TRAPPC12: variants seen among roughly 807,000 people sequenced by gnomAD.
The protein encoded by TRAPPC12 is trafficking protein particle complex subunit 12.
In TRAPPC12, 61 loss-of-function variants were observed where a neutral mutation model predicts 69.2. That is an observed-to-expected ratio of 0.88 (90% CI 0.72 to 1.09). The LOEUF is 1.09. TRAPPC12 is among the 50% of genes least tolerant of loss of function. The pLI is 0.00. For missense variants in TRAPPC12, 1,101 were observed against 1,016.4 expected (o/e 1.08, Z -1.13); for synonymous variants, 469 against 438.9 (o/e 1.07, Z -0.86).
intron 6 of TRAPPC12, chr2:3,455,688 C>A (rs999623982): frequency 1.3e-5 from 2 of 152,194 alleles, no homozygotes; most frequent in Non-Finnish European, 2.9e-5. Context: ...GGATACCATT[C>A]TTTTTTATGG....
intron 7 of TRAPPC12, chr2:3,460,026 C>G: frequency 1.6e-6 from 1 of 612,600 alleles, no homozygotes; most frequent in East Asian, 2.8e-5. Context: ...AGCAGCCACC[C>G]TCCTGGTTCT....
At chr2:3,425,782 G>A (rs1002418216) in intron 5 of TRAPPC12, among the ~76,000 whole-genome samples, 1 of 152,172 alleles carries the variant, frequency 6.6e-6, no homozygotes, top group African/African-American at 2.4e-5. Context: ...TACAAGAGAT[G>A]CAAAGGCCTG....
chr2:3,388,096 C>G lies in TRAPPC12; in HGVS notation c.473C>G (p.Pro158Arg). ...EQEPPVAEPV[P>R]VCTIFSQRAP... ...GAGCCTCCCGTTGCGGAGCCGGTCC[C>G]GGTGTGCACCATCTTCAGCCAGCGC... The change falls in exon 2 of 12, where the codon CCG becomes CGG. Residue 158 changes from proline (P) to arginine (R), a missense_variant. Pro to Arg is a moderately radical substitution (Grantham distance 103). Transcript: ENST00000324266. 7 of 1,552,584 alleles carry G rather than the reference C, an allele frequency of 4.5e-6. No homozygotes were observed. The highest frequency in any genetic ancestry group is 6.1e-6 in the Non-Finnish European group (7 of 1,154,406).
At chr2:3,453,471 C>T (rs958827854) in intron 6 of TRAPPC12, among the ~76,000 whole-genome samples, 2 of 152,236 alleles carry the variant, frequency 1.3e-5, no homozygotes, top group Non-Finnish European at 2.9e-5. Context: ...CTTCCTGAAG[C>T]ACTTGGCACT....
chr2:3,432,108 C>T (rs149981732), intron 5 of TRAPPC12, among the ~76,000 whole-genome samples: 1 of 152,358 alleles, frequency 6.6e-6, no homozygotes, highest in African/African-American at 2.4e-5. Flanking sequence ...AAAGATCTTC[C>T]CGCTGGAAAT....
intron 2 of TRAPPC12, among the ~76,000 whole-genome samples, chr2:3,391,454 A>G (rs1660820654): frequency 6.6e-6 from 1 of 152,186 alleles, no homozygotes; most frequent in Non-Finnish European, 1.5e-5. Flanking sequence ...AAATGAAGCC[A>G]ATTAATTTTT....
intron 2 of TRAPPC12, among the ~76,000 whole-genome samples, chr2:3,389,947 A>T (rs1418251408): frequency 6.6e-6 from 1 of 152,142 alleles, no homozygotes; most frequent in Non-Finnish European, 1.5e-5. Context: ...GAGTATGCAA[A>T]AAAGAAGGCT....
rs1662221955 is a variant in TRAPPC12 at position 3,414,352 on chromosome 2, A to T, written c.1165-7529A>T. On this transcript the variant is annotated intron_variant, in intron 3 of 11. Transcript: ENST00000324266. The surrounding 1 kb of genome is among the most constrained non-coding windows in gnomAD (Gnocchi z 4.9). ...GAAATCTCACTTCGTCGTGTGATCCAGATAAGCATGGCAGTGGGGTCCTGG... is the reference window on the plus strand; with the variant it reads ...GAAATCTCACTTCGTCGTGTGATCCTGATAAGCATGGCAGTGGGGTCCTGG... 6.6e-6 allele frequency among the ~76,000 whole-genome samples: 1 copy of T among 152,186 alleles called. No individual in the cohort carries two copies.
intron 3 of TRAPPC12, among the ~76,000 whole-genome samples, chr2:3,419,033 CTGCTCCCTG>C (rs1388541440): frequency 6.6e-6 from 1 of 152,232 alleles, no homozygotes; most frequent in Non-Finnish European, 1.5e-5. Context: ...ACCCTGCCCT[CTGCTCCCTG>C]TGCCCCCCAT....
At chr2:3,421,704 G>A (rs1239583082) in intron 3 of TRAPPC12, 177 bp from the exon 4 acceptor site, 1 of 720,322 alleles carries the variant, frequency 1.4e-6, no homozygotes, top group Non-Finnish European at 2.6e-6. Context: ...GTGCAGCGTT[G>A]ACAAATGGCA....
intron 8 of TRAPPC12, among the ~76,000 whole-genome samples, chr2:3,464,571 T>G (rs566146181): frequency 6.6e-6 from 1 of 152,384 alleles, no homozygotes; most frequent in East Asian, 1.9e-4. Flanking sequence ...TAGTTACTGC[T>G]GACCGCGTGC....
intron 3 of TRAPPC12, among the ~76,000 whole-genome samples, chr2:3,409,842 A>G (rs923562671): frequency 4.0e-5 from 6 of 151,072 alleles, no homozygotes; most frequent in Non-Finnish European, 8.8e-5. Flanking sequence ...CTCACACCAC[A>G]TCTAAATTAG....
chr2:3,406,608 C>T (rs1004269937), intron 3 of TRAPPC12, among the ~76,000 whole-genome samples: 4 of 152,162 alleles, frequency 2.6e-5, no homozygotes, highest in South Asian at 2.1e-4. Flanking sequence ...TATCTGTATC[C>T]TTTATAATTT....
intron 9 of TRAPPC12, chr2:3,466,194 C>A (rs999845868): frequency 1.8e-5 from 8 of 447,204 alleles, no homozygotes; most frequent in Non-Finnish European, 3.8e-5. Flanking sequence ...TATTTGGTGA[C>A]AGGGAGGTCA....
At chr2:3,423,097 C>G (rs1364093294) in intron 4 of TRAPPC12, among the ~76,000 whole-genome samples, 1 of 152,150 alleles carries the variant, frequency 6.6e-6, no homozygotes. Context: ...AATATGGTGA[C>G]CTCCCTAGAG....
intron 9 of TRAPPC12, among the ~76,000 whole-genome samples, chr2:3,476,773 T>C (rs1666308373): frequency 6.6e-6 from 1 of 152,158 alleles, no homozygotes; most frequent in Non-Finnish European, 1.5e-5. Context: ...CCAGCCCTCC[T>C]CATGGAGGTG....
intron 7 of TRAPPC12, 120 bp downstream of exon 7, chr2:3,457,813 A>G (rs909755654): frequency 2.2e-5 from 33 of 1,473,610 alleles, no homozygotes; most frequent in Non-Finnish European, 1.2e-5. Flanking sequence ...GCACGTGTCC[A>G]CTCGTGCATT....
intron 3 of TRAPPC12, among the ~76,000 whole-genome samples, chr2:3,418,192 C>A (rs1372576497): frequency 3.3e-5 from 5 of 152,114 alleles, no homozygotes; most frequent in Non-Finnish European, 7.3e-5. Context: ...AAAACCATAT[C>A]TCTACAAATA....
intron 9 of TRAPPC12, among the ~76,000 whole-genome samples, chr2:3,472,240 A>G (rs2103167778): frequency 6.6e-6 from 1 of 152,124 alleles, no homozygotes; most frequent in East Asian, 1.9e-4. Context: ...GGGCCAGGGA[A>G]GCGCTGTGAA....
Sources: gnomAD v4.1 joint callset for allele counts (sites outside exome capture counted in the v4.1 genomes callset) on GRCh38, gnomAD v4.1.1 for gene constraint, Gnocchi (gnomAD v3.1) non-coding constraint, MANE v1.5 for transcripts, NCBI Gene and HGNC (gene_info 2026-07-23, HGNC 2026-07-21) for gene names.